NETO1: variants seen among roughly 807,000 people sequenced by gnomAD.
The protein encoded by NETO1 is neuropilin and tolloid like 1.
A neutral mutation model predicts 61.3 loss-of-function variants in NETO1; 26 were observed. That is an observed-to-expected ratio of 0.42 (90% CI 0.31 to 0.59). NETO1 has a LOEUF of 0.59. NETO1 is among the 20% of genes least tolerant of loss of function. The pLI is 0.12. For synonymous variants in NETO1, 225 were observed against 225.8 expected, an observed-to-expected ratio of 1.00 and a Z score of 0.03; for missense variants, 531 against 662.8, an observed-to-expected ratio of 0.80 and a Z score of 2.18.
At chr18:72,815,487 CA>C (rs1233037379) in intron 4 of NETO1, among the ~76,000 whole-genome samples, 2 of 151,948 alleles carry the variant, frequency 1.3e-5, no homozygotes, top group Non-Finnish European at 2.9e-5. Flanking sequence ...ATAAGACAGG[CA>C]AAAGTCCTGG....
At chr18:72,754,320 T>C (rs1259217796) in intron 8 of NETO1, among the ~76,000 whole-genome samples, 1 of 152,108 alleles carries the variant, frequency 6.6e-6, no homozygotes, top group African/African-American at 2.4e-5. Flanking sequence ...ATGGAATATA[T>C]AAGTCCAACT....
At chr18:72,846,400 G>A (rs2074085260) in intron 4 of NETO1, among the ~76,000 whole-genome samples, 1 of 150,258 alleles carries the variant, frequency 6.7e-6, no homozygotes. Context: ...AGCTACTGGG[G>A]AGGCTGAGGC....
In NETO1 at chr18:72,858,940, C is replaced by T; in HGVS notation, c.355G>A (p.Gly119Arg). 1.2e-6 allele frequency: 2 copies of T among 1,613,672 alleles called. No individual in the cohort carries two copies. The highest frequency in any genetic ancestry group is 1.7e-6 in the Non-Finnish European group (2 of 1,179,836). ...TTTATGACAGGTGGATTTTGTTGTCCACAGAAACGTCCAATTATTGGAGAA... is the reference window on the plus strand; with the variant it reads ...TTTATGACAGGTGGATTTTGTTGTCTACAGAAACGTCCAATTATTGGAGAA... ...GFSPIIGRFC[G>R]QQNPPVIKSS... Residue 119 changes from glycine to arginine, a missense_variant, in exon 4 of 11, where the codon GGA becomes AGA. Transcript: ENST00000327305.
chr18:72,826,348 T>C (rs1040613681), intron 4 of NETO1, among the ~76,000 whole-genome samples: 8 of 152,198 alleles, frequency 5.3e-5, no homozygotes, highest in African/African-American at 1.9e-4. Flanking sequence ...ATTTAAAAGT[T>C]TCAACCCTCC....
intron 4 of NETO1, among the ~76,000 whole-genome samples, chr18:72,836,331 TATCTC>T (rs989638215): frequency 3.9e-4 from 60 of 152,308 alleles, no homozygotes; most frequent in African/African-American, 1.4e-3. Context: ...GTCTTATACT[TATCTC>T]ATAAGTTAGT....
intron 4 of NETO1, among the ~76,000 whole-genome samples, chr18:72,810,465 C>G (rs192919063): frequency 2.0e-5 from 3 of 152,126 alleles, no homozygotes; most frequent in Non-Finnish European, 4.4e-5. Context: ...GGCATGCAAA[C>G]GTATCATCTC....
chr18:72,774,013 C>T (rs1183043396), intron 7 of NETO1, among the ~76,000 whole-genome samples: 2 of 151,900 alleles, frequency 1.3e-5, no homozygotes. Flanking sequence ...TAACATAAAA[C>T]TAAATGCATT....
intron 8 of NETO1, among the ~76,000 whole-genome samples, chr18:72,751,738 G>A (rs2070624954): frequency 6.6e-6 from 1 of 152,184 alleles, no homozygotes; most frequent in African/African-American, 2.4e-5. Context: ...AGTGCTCTGT[G>A]CATAAACAGA....
Position 72,750,477 on chromosome 18 carries a change from TCC to T in NETO1, c.1124_1125del (p.Arg375LysfsTer5). On this transcript the variant is annotated frameshift_variant, in exon 9 of 11. Coordinates refer to ENST00000327305, the MANE Select transcript of NETO1 (RefSeq NM_138966.5). LOFTEE classifies it high-confidence loss of function. ...AAAACTGTCTGGTCAAAGTCTGATTTCCTTTGGACATACTTTTTACGAGGCTG... is the reference window on the plus strand; with the variant it reads ...AAAACTGTCTGGTCAAAGTCTGATTTTTTGGACATACTTTTTACGAGGCTG... ...IKQPRKKYVQ[R>X]KSDFDQTVFQ... is the part of the protein sequence containing the mutation. The T allele has an allele frequency of 6.2e-7, 1 of 1,614,146 alleles. No homozygotes were observed. Among genetic ancestry groups the T allele is most frequent in the Non-Finnish European group, 8.5e-7 (1 of 1,180,002 alleles).
At chr18:72,836,035 A>T (rs972273757) in intron 4 of NETO1, among the ~76,000 whole-genome samples, 3 of 152,146 alleles carry the variant, frequency 2.0e-5, no homozygotes, top group Non-Finnish European at 4.4e-5. Flanking sequence ...GAACGGAATG[A>T]CTCAAGGAGT....
At chr18:72,786,472 C>T (rs139248001) in intron 6 of NETO1, among the ~76,000 whole-genome samples, 305 of 152,312 alleles carry the variant, frequency 2.0e-3, no homozygotes, top group African/African-American at 7.2e-3. Context: ...GATTTTCATA[C>T]ATGAGCAATT....
rs2145643486 is a variant in NETO1, at chr18:72,858,919, T to A, written c.376A>T (p.Ile126Leu). 1 of 1,613,992 alleles carries A rather than the reference T, an allele frequency of 6.2e-7. No individual in the cohort carries two copies. Among genetic ancestry groups the A allele is most frequent in the Non-Finnish European group, 8.5e-7 (1 of 1,179,888 alleles). ...CATAGAAATCTTCCACTGGATTTTA[T>A]GACAGGTGGATTTTGTTGTCCACAG... ...RFCGQQNPPV[I>L]KSSGRFLWIK... Residue 126 changes from isoleucine to leucine, a missense_variant, in exon 4 of 11, where the codon ATA becomes TTA. Coordinates refer to ENST00000327305, the MANE Select transcript of NETO1 (RefSeq NM_138966.5).
In NETO1 at chr18:72,759,636, C is replaced by T. The variant is rs76093214; in HGVS notation, c.869-3489G>A. Among the ~76,000 whole-genome samples the T allele has an allele frequency of 9.1e-3, 1,393 of 152,274 alleles. 16 individuals are homozygous for T. The highest frequency in any genetic ancestry group is 0.032 in the African/African-American group (1,313 of 41,552). On this transcript the variant is annotated intron_variant, in intron 7 of 10. Coordinates refer to ENST00000327305, the MANE Select transcript of NETO1 (RefSeq NM_138966.5). ...GGCCATGGTCTTCCAATCAAGGCCA[C>T]GGTCTCCAACGCAGCATGTAGTGGC...
chr18:72,822,076 T>C (rs1599076386), intron 4 of NETO1, among the ~76,000 whole-genome samples: 1 of 152,334 alleles, frequency 6.6e-6, no homozygotes, highest in Non-Finnish European at 1.5e-5. Context: ...CACAGTTGCC[T>C]GGGACTCGAG....
intron 8 of NETO1, among the ~76,000 whole-genome samples, chr18:72,754,428 T>C (rs981919888): frequency 6.6e-5 from 10 of 151,978 alleles, no homozygotes; most frequent in African/African-American, 2.2e-4. Context: ...ATATAGACTG[T>C]CTACAAAAGA....
At chr18:72,828,644 T>C (rs1007423561) in intron 4 of NETO1, among the ~76,000 whole-genome samples, 2 of 152,144 alleles carry the variant, frequency 1.3e-5, no homozygotes, top group African/African-American at 4.8e-5. Flanking sequence ...TAATGTATTC[T>C]ACAAAAGAAA....
intron 8 of NETO1, among the ~76,000 whole-genome samples, chr18:72,755,684 G>A (rs1368381433): frequency 6.6e-6 from 1 of 152,058 alleles, no homozygotes; most frequent in Admixed American, 6.6e-5. Flanking sequence ...AAGACAAACT[G>A]GAATGAATGA....
At chr18:72,860,880 G>C (rs2074551431) in intron 3 of NETO1, among the ~76,000 whole-genome samples, 1 of 152,104 alleles carries the variant, frequency 6.6e-6, no homozygotes, top group African/African-American at 2.4e-5. Context: ...TATAGCGCTT[G>C]CATACATTAT....
At chr18:72,863,427 A>G (rs1161445915) in intron 3 of NETO1, among the ~76,000 whole-genome samples, 1 of 152,190 alleles carries the variant, frequency 6.6e-6, no homozygotes, top group African/African-American at 2.4e-5. Context: ...TAGATTGTTT[A>G]CAAAAAGGGA....
Sources: allele counts gnomAD v4.1 joint callset (sites outside exome capture counted in the v4.1 genomes callset), GRCh38; gene constraint gnomAD v4.1.1; transcripts MANE v1.5; gene names NCBI Gene and HGNC (gene_info 2026-07-23, HGNC 2026-07-21).